GET1: variants seen among roughly 807,000 people sequenced by gnomAD.
The protein encoded by GET1 is guided entry of tail-anchored proteins factor 1.
In GET1, 20 loss-of-function variants were observed where a neutral mutation model predicts 22.6. The ratio of observed to expected loss-of-function variants is 0.89; its 90% CI spans 0.62 to 1.29. GET1 has a LOEUF of 1.29. Ranked by LOEUF, GET1 falls within the 50% of genes most tolerant of loss-of-function variation. GET1 has a pLI of 0.00. For missense variants in GET1, 209 were observed against 219.9 expected, an observed-to-expected ratio of 0.95 and a Z score of 0.31; for synonymous variants, 92 against 83.8, an observed-to-expected ratio of 1.10 and a Z score of -0.53.
chr21:39,387,881 G>C, intron 1 of GET1: 29 of 912,448 alleles, frequency 3.2e-5, no homozygotes, highest in Non-Finnish European at 3.7e-5. Flanking sequence ...GAGGGGGGGG[G>C]ATCTGATTTA....
In GET1 at chr21:39,420,902, A is replaced by AT. The variant is rs1205991428; in HGVS notation, c.*24-7328dup. Reference sequence around the variant, plus strand: ...CCAAGTTAGTATGTTAAAAACTTCAATTATCATGGAACTAACTACATTTAT... The same window carrying AT: ...CCAAGTTAGTATGTTAAAAACTTCAATTTATCATGGAACTAACTACATTTAT... On this transcript the variant is annotated intron_variant, in intron 1 of 1. Coordinates refer to the GET1 transcript ENST00000478273. The AT allele has an allele frequency of 2.2e-6, 3 of 1,337,454 alleles. No homozygotes were observed. In the African/African-American group the frequency reaches 4.4e-5, roughly 19 times the overall value. 82.8% of individuals were successfully genotyped at this position (1,337,454 alleles called of 1,614,324 possible). A position where few individuals can be genotyped will look rare whatever the true frequency, so the allele number is the denominator to read the frequency against.
chr21:39,392,193 C>T (rs753102632), intron 3 of GET1: 7 of 225,406 alleles, frequency 3.1e-5, no homozygotes, highest in Non-Finnish European at 6.1e-5. Flanking sequence ...ACTTTTGGCC[C>T]TTACTTGTTA....
At position 39,420,779 on chromosome 21, in the gene GET1, C is replaced by T. The variant is rs370952139; in HGVS notation, c.*24-7453C>T. On this transcript the variant is annotated intron_variant, in intron 1 of 1. Transcript: ENST00000478273. ...AGCTGTCTGAGCTGCTAAAGTCTTC[C>T]GAGTCTCAATAGCCAGCTGCCGGCT... 1.2e-5 allele frequency: 19 copies of T among 1,613,412 alleles called. No individual in the cohort carries two copies. The East Asian group carries it at 1.8e-4, about 15-fold the overall frequency.
At chr21:39,423,147 T>C (rs1169761390) in intron 1 of GET1, 1 of 1,613,584 alleles carries the variant, frequency 6.2e-7, no homozygotes, top group Non-Finnish European at 8.5e-7. Flanking sequence ...TAGATAGAGT[T>C]CTTTCCTTTT....
At chr21:39,391,209 T>C (rs947326688) in intron 2 of GET1, 1 of 238,360 alleles carries the variant, frequency 4.2e-6, no homozygotes, top group Non-Finnish European at 8.3e-6. Flanking sequence ...TCCCAGAGGC[T>C]TTTGTTCCAC....
At chr21:39,391,873 T>C in intron 3 of GET1, 37 bp downstream of exon 3, 1 of 1,606,228 alleles carries the variant, frequency 6.2e-7, no homozygotes, top group Non-Finnish European at 8.5e-7. Context: ...TCATTGGAGT[T>C]GGTGACCCCG....
chr21:39,394,492 T>G (rs1207508128), intron 4 of GET1, among the ~76,000 whole-genome samples: 1 of 152,228 alleles, frequency 6.6e-6, no homozygotes, highest in African/African-American at 2.4e-5. Flanking sequence ...CCCACATGTT[T>G]TAGTTTGTTA....
chr21:39,396,829 TG>T, intron 4 of GET1, 36 bp from the exon 5 acceptor site: 1 of 1,595,368 alleles, frequency 6.3e-7, no homozygotes, highest in Non-Finnish European at 8.6e-7. Context: ...GCAGCACTGC[TG>T]GTATGCGCTC....
intron 1 of GET1, among the ~76,000 whole-genome samples, chr21:39,419,562 A>G (rs1333946712): frequency 6.6e-6 from 1 of 151,514 alleles, no homozygotes; most frequent in Non-Finnish European, 1.5e-5. Flanking sequence ...AAGAAAGGGA[A>G]ATTATTGATA....
intron 1 of GET1, among the ~76,000 whole-genome samples, chr21:39,383,470 C>T (rs1256310713): frequency 1.3e-5 from 2 of 151,168 alleles, no homozygotes; most frequent in South Asian, 4.2e-4. Flanking sequence ...TTAGTAGAGA[C>T]GAGGTTTCAC....
rs909752737 is a variant in GET1, at chr21:39,422,786, C to G, written c.*24-5446C>G. ...AACAGATGAACATTTCTAGTTTGAG[C>G]TGCTTCTGTTTTTCCTTCAAACCAC... On this transcript the variant is annotated intron_variant, in intron 1 of 1. Transcript: ENST00000478273. The G allele has an allele frequency of 2.0e-5, 12 of 596,060 alleles. No individual in the cohort carries two copies. The South Asian group carries it at 2.4e-4, about 12-fold the overall frequency. 36.9% of individuals were successfully genotyped at this position (596,060 alleles called of 1,614,324 possible). A position where few individuals can be genotyped will look rare whatever the true frequency, so the allele number is the denominator to read the frequency against.
At chr21:39,407,466 G>A (rs1314058976), downstream of GET1, among the ~76,000 whole-genome samples, 1 of 152,136 alleles carries the variant, frequency 6.6e-6, no homozygotes. Flanking sequence ...TTCTTAGAAC[G>A]AACCTACAAA....
intron 4 of GET1, among the ~76,000 whole-genome samples, chr21:39,404,234 ATT>A (rs1247283860): frequency 1.3e-5 from 2 of 152,224 alleles, no homozygotes; most frequent in Non-Finnish European, 2.9e-5. Flanking sequence ...TAGTAAATAT[ATT>A]AGTTAGGACT....
chr21:39,380,854 CG>C, intron 1 of GET1: 1 of 973,810 alleles, frequency 1.0e-6, no homozygotes, highest in Non-Finnish European at 1.2e-6. Flanking sequence ...AGAGGCCTGG[CG>C]GGCGAAGTCA....
chr21:39,406,353 C>A (rs200618900), exon 5 of GET1: 1 of 1,614,132 alleles, frequency 6.2e-7, no homozygotes. Flanking sequence ...GGGGGCCTTT[C>A]GTGTAGGGAG....
At chr21:39,380,765 C>T (rs1031192539) in intron 1 of GET1, 26 of 1,143,326 alleles carry the variant, frequency 2.3e-5, no homozygotes, top group Non-Finnish European at 2.5e-5. Flanking sequence ...CTGGGAGTTC[C>T]TAGTGCCCCG....
At chr21:39,380,993 A>G (rs1358793500) in intron 1 of GET1, 4 of 976,604 alleles carry the variant, frequency 4.1e-6, no homozygotes, top group African/African-American at 1.8e-5. Flanking sequence ...CAAGGGAGCA[A>G]CCAGGTTGGG....
intron 1 of GET1, among the ~76,000 whole-genome samples, chr21:39,415,133 C>A (rs1252868971): frequency 6.6e-6 from 1 of 152,050 alleles, no homozygotes; most frequent in Non-Finnish European, 1.5e-5. Flanking sequence ...ACTTCTTGGG[C>A]TCAAAAGATC....
chr21:39,422,037 T>C (rs551748718), intron 1 of GET1: 1 of 152,330 alleles, frequency 6.6e-6, no homozygotes, highest in East Asian at 1.9e-4. Flanking sequence ...CACTTTGGTA[T>C]ACAAGAGTGA....
Sources: gnomAD v4.1 joint callset for allele counts (sites outside exome capture counted in the v4.1 genomes callset) on GRCh38, gnomAD v4.1.1 for gene constraint, MANE v1.5 for transcripts, NCBI Gene and HGNC (gene_info 2026-07-23, HGNC 2026-07-21) for gene names.